The following SLF1 variants were observed in gnomAD, a reference collection of about 807,000 sequenced individuals.
SLF1 encodes the protein SMC5/6 complex localization factor 1.
Under a neutral mutation model 123.0 loss-of-function variants are expected in SLF1, and 105 were observed. That is an observed-to-expected ratio of 0.85 (90% CI 0.73 to 1.00). SLF1 has a LOEUF of 1.00. SLF1 is among the 50% of genes least tolerant of loss of function. The probability of loss-of-function intolerance (pLI) is 0.00; values close to 1 mark genes in which losing one functional copy is unlikely to be tolerated. For synonymous variants in SLF1, 434 were observed against 406.6 expected, an observed-to-expected ratio of 1.07 and a Z score of -0.81; for missense variants, 1,239 against 1,223.0, an observed-to-expected ratio of 1.01 and a Z score of -0.20.
chr5:94,630,284 A>G (rs1745062756), intron 3 of SLF1, among the ~76,000 whole-genome samples: 1 of 152,234 alleles, frequency 6.6e-6, no homozygotes, highest in South Asian at 2.1e-4. Context: ...TTAGAATTAT[A>G]ATTATTTGTC....
At chr5:94,662,755 C>T (rs1024819980) in intron 10 of SLF1, among the ~76,000 whole-genome samples, 2 of 152,060 alleles carry the variant, frequency 1.3e-5, no homozygotes, top group African/African-American at 4.8e-5. Context: ...ACAAAATAAA[C>T]CTACAATACA....
At chr5:94,688,322 G>C (rs954279498) in intron 16 of SLF1, among the ~76,000 whole-genome samples, 184 bp from the exon 17 acceptor site, 1 of 152,008 alleles carries the variant, frequency 6.6e-6, no homozygotes, top group South Asian at 2.1e-4. Flanking sequence ...TTGTTCACAT[G>C]GTATTGACTT....
At chr5:94,690,985 CT>C (rs1753000518) in intron 18 of SLF1, among the ~76,000 whole-genome samples, 1 of 151,406 alleles carries the variant, frequency 6.6e-6, no homozygotes, top group Admixed American at 6.6e-5. Flanking sequence ...CCATTTCTCC[CT>C]CTCTCTGCTG....
Position 94,630,585 on chromosome 5 carries a change from A to G in SLF1, c.273A>G (p.Gly91=). The change falls in exon 4 of 21, where the codon GGA becomes GGG. Residue 91 remains glycine (G), a synonymous_variant. Transcript: ENST00000265140. ...TTGATGAAACAACTTATGAATGGGG[A>G]TATAAAATTGAAAAAGATTCCCGTT... is the stretch of plus-strand genomic sequence containing the variant. The part of the protein sequence containing the change: ...RWLDETTYEW[G]YKIEKDSRYS... 1 of 1,551,672 alleles carries G rather than the reference A, an allele frequency of 6.4e-7. No individual in the cohort carries two copies. Among genetic ancestry groups the G allele is most frequent in the Non-Finnish European group, 8.7e-7 (1 of 1,146,978 alleles).
At chr5:94,661,540 T>G (rs1481709827) in intron 9 of SLF1, among the ~76,000 whole-genome samples, 4 of 138,126 alleles carry the variant, frequency 2.9e-5, no homozygotes, top group East Asian at 4.0e-4. Context: ...TGTTTTTTTG[T>G]TTTTTTTTTT....
chr5:94,658,027 TTAA>T (rs1476139442), intron 9 of SLF1, among the ~76,000 whole-genome samples: 1 of 152,096 alleles, frequency 6.6e-6, no homozygotes, highest in African/African-American at 2.4e-5. Context: ...TGTGGAGAAT[TTAA>T]TCCATCTACA....
At chr5:94,662,425 TA>T in intron 10 of SLF1, 74 bp downstream of exon 10, 1 of 1,308,442 alleles carries the variant, frequency 7.6e-7, no homozygotes, top group Non-Finnish European at 1.0e-6. Flanking sequence ...TTATTTTGAA[TA>T]AAAGTAATGT....
chr5:94,665,609 CATG>C (rs1239486713), intron 11 of SLF1, among the ~76,000 whole-genome samples: 1 of 152,072 alleles, frequency 6.6e-6, no homozygotes, highest in East Asian at 1.9e-4. Flanking sequence ...ATTAGCCAGG[CATG>C]GTGGTGGGTG....
At chr5:94,634,920 C>T (rs1197051449) in intron 4 of SLF1, among the ~76,000 whole-genome samples, 3 of 152,086 alleles carry the variant, frequency 2.0e-5, no homozygotes, top group Admixed American at 2.0e-4. Context: ...GAGTTGAGTT[C>T]CTTGTATTTG....
intron 4 of SLF1, among the ~76,000 whole-genome samples, chr5:94,632,483 G>T (rs1745315216): frequency 2.0e-5 from 3 of 152,270 alleles, no homozygotes; most frequent in South Asian, 4.2e-4. Flanking sequence ...ACAATATTGA[G>T]TCTTCCTATT....
chr5:94,623,335 A>G (rs1372500194), intron 1 of SLF1, among the ~76,000 whole-genome samples: 4 of 152,144 alleles, frequency 2.6e-5, no homozygotes, highest in African/African-American at 9.7e-5. Flanking sequence ...TGTTCAAGGT[A>G]AGTAACTAAT....
At chr5:94,624,202 A>G (rs1418898780) in intron 1 of SLF1, among the ~76,000 whole-genome samples, 2 of 152,162 alleles carry the variant, frequency 1.3e-5, no homozygotes, top group East Asian at 1.9e-4. Context: ...GAATCAGGAC[A>G]TTCTGTTTTT....
intron 4 of SLF1, among the ~76,000 whole-genome samples, chr5:94,636,710 A>ATTTTTTTTTT (rs140191160): frequency 4.0e-5 from 3 of 75,462 alleles, no homozygotes; most frequent in East Asian, 3.9e-4. Context: ...TATTTTACTG[A>ATTTTTTTTTT]TTTTTTTTTT....
At chr5:94,630,426 T>C in intron 3 of SLF1, 77 bp from the exon 4 acceptor site, 1 of 1,431,980 alleles carries the variant, frequency 7.0e-7, no homozygotes, top group East Asian at 2.5e-5. Context: ...AAGGTTGACT[T>C]TTATATTTGA....
At chr5:94,671,075 T>C (rs1176549774) in intron 14 of SLF1, 67 bp downstream of exon 14, 2 of 1,122,908 alleles carry the variant, frequency 1.8e-6, no homozygotes, top group African/African-American at 1.6e-5. Flanking sequence ...TACCTTTTCC[T>C]CTCCTCTTTA....
intron 14 of SLF1, among the ~76,000 whole-genome samples, chr5:94,675,825 T>A (rs768472503): frequency 6.6e-6 from 1 of 151,822 alleles, no homozygotes; most frequent in Non-Finnish European, 1.5e-5. Context: ...TATTAAGCAA[T>A]ATATTAATAT....
chr5:94,649,464 A>G lies in SLF1; in HGVS notation c.605A>G (p.Gln202Arg). The G allele has an allele frequency of 6.7e-7, 1 of 1,494,442 alleles. No homozygotes were observed. Among genetic ancestry groups the G allele is most frequent in the Middle Eastern group, 1.8e-4 (1 of 5,542 alleles). 92.6% of individuals were successfully genotyped at this position (1,494,442 alleles called of 1,614,324 possible). A position where few individuals can be genotyped will look rare whatever the true frequency, so the allele number is the denominator to read the frequency against. ...TTTACATACATACAGAAAGAAATTCAGAATGATGAAGATTCCCAAACCAAT... is the reference window on the plus strand; with the variant it reads ...TTTACATACATACAGAAAGAAATTCGGAATGATGAAGATTCCCAAACCAAT... Reference protein sequence around the residue: ...LGDFLLEKEIQNDEDSQTNSV... With the variant: ...LGDFLLEKEIRNDEDSQTNSV... Residue 202 changes from glutamine to arginine, a missense_variant, in exon 6 of 21, where the codon CAG (glutamine) becomes CGG (arginine). Coordinates refer to ENST00000265140, the MANE Select transcript of SLF1 (RefSeq NM_032290.4).
At chr5:94,668,436 C>T (rs570146878) in intron 12 of SLF1, among the ~76,000 whole-genome samples, 67 of 151,934 alleles carry the variant, frequency 4.4e-4, no homozygotes, top group African/African-American at 1.6e-3. Flanking sequence ...CAGGATCAAG[C>T]GATTCTCCTG....
chr5:94,652,301 G>A (rs1029234987), intron 7 of SLF1, among the ~76,000 whole-genome samples: 1 of 152,056 alleles, frequency 6.6e-6, no homozygotes, highest in Non-Finnish European at 1.5e-5. Flanking sequence ...GAGCCACTGC[G>A]CCCAGCCTGC....
Sources: gnomAD v4.1 joint callset for allele counts (sites outside exome capture counted in the v4.1 genomes callset) on GRCh38, gnomAD v4.1.1 for gene constraint, MANE v1.5 for transcripts, NCBI Gene and HGNC (gene_info 2026-07-23, HGNC 2026-07-21) for gene names.